Variants in FAT3 observed in about 807,000 individuals in gnomAD.
FAT3 encodes the protein FAT atypical cadherin 3, also known as protocadherin Fat 3.
Under a neutral mutation model 310.2 loss-of-function variants are expected in FAT3, and 95 were observed. That is an observed-to-expected ratio of 0.31 (90% confidence interval 0.26 to 0.36). The LOEUF is 0.36. Ranked by LOEUF, FAT3 falls within the 10% of genes least tolerant of loss-of-function variation. The pLI is 1.00. For synonymous variants in FAT3, 2,314 were observed against 2,192.9 expected (o/e 1.06, Z -1.54); for missense variants, 5,408 against 5,715.6 (o/e 0.95, Z 1.74).
rs1295447903 is a variant in FAT3 at position 92,398,329 on chromosome 11, C to A, written c.3292+42925C>A. Among the ~76,000 whole-genome samples the A allele has an allele frequency of 2.0e-5, 3 of 151,946 alleles. No homozygotes were observed. In the Middle Eastern group the frequency reaches 0.01, roughly 517 times the overall value. On this transcript the variant is annotated intron_variant, in intron 2 of 27. Coordinates refer to ENST00000525166, the MANE Select transcript of FAT3 (RefSeq NM_001367949.2). The stretch of plus-strand genomic sequence containing the variant: ...CAGCCTGGCCAACATGGCAAAACTC[C>A]GTCTCTACTAAAAGTACAAAAATTA...
chr11:92,599,420 C>T (rs953285004), intron 3 of FAT3, among the ~76,000 whole-genome samples: 1 of 152,150 alleles, frequency 6.6e-6, no homozygotes, highest in Non-Finnish European at 1.5e-5. Context: ...ATTCAATGAC[C>T]TCCTACTAGG....
chr11:92,618,064 A>G (rs1157773024), intron 3 of FAT3, among the ~76,000 whole-genome samples: 1 of 152,200 alleles, frequency 6.6e-6, no homozygotes, highest in African/African-American at 2.4e-5. Flanking sequence ...TTGTTCAGCT[A>G]TGCCCTGCCC....
At chr11:92,700,694 C>G (rs1327501749) in intron 4 of FAT3, among the ~76,000 whole-genome samples, 2 of 152,152 alleles carry the variant, frequency 1.3e-5, no homozygotes, top group Non-Finnish European at 1.5e-5. Flanking sequence ...GTTGCCCTAT[C>G]CAGCTTCCAA....
intron 3 of FAT3, among the ~76,000 whole-genome samples, chr11:92,693,966 G>A (rs1943866894): frequency 6.6e-6 from 1 of 151,984 alleles, no homozygotes; most frequent in African/African-American, 2.4e-5. Context: ...ATATTTTTAA[G>A]AGCCTACCTT....
intron 3 of FAT3, among the ~76,000 whole-genome samples, chr11:92,551,778 T>G (rs1040225054): frequency 9.9e-5 from 15 of 152,178 alleles, no homozygotes; most frequent in Non-Finnish European, 1.5e-4. Context: ...AAGTGTTTTG[T>G]GTTTCAACTT....
At chr11:92,370,646 C>T (rs916818850) in intron 2 of FAT3, among the ~76,000 whole-genome samples, 5 of 152,170 alleles carry the variant, frequency 3.3e-5, no homozygotes, top group African/African-American at 9.7e-5. Context: ...TAAAATATCA[C>T]ATGTACTCTT....
At chr11:92,869,064 A>G (rs1034641254) in intron 22 of FAT3, among the ~76,000 whole-genome samples, 1 of 152,140 alleles carries the variant, frequency 6.6e-6, no homozygotes, top group Non-Finnish European at 1.5e-5. Flanking sequence ...GTGATTGGGC[A>G]TTGGATCAGG....
At chr11:92,539,911 A>G (rs1169887576) in intron 3 of FAT3, among the ~76,000 whole-genome samples, 1 of 152,168 alleles carries the variant, frequency 6.6e-6, no homozygotes, top group Non-Finnish European at 1.5e-5. Context: ...ATGTCATCGC[A>G]TAGGGCCCTG....
rs1946919893 is a variant in FAT3 at position 92,787,266 on chromosome 11, C to T, written c.4336-2677C>T. Among the ~76,000 whole-genome samples, 5 of 151,708 alleles carry T rather than the reference C, an allele frequency of 3.3e-5. No homozygotes were observed. The South Asian group carries it at 1.0e-3, about 32-fold the overall frequency. ...CAGAATGTTTGATGAGTAAACCATA[C>T]ATATTTTTAAAGTTATCTGTAGGAG... On this transcript the variant is annotated intron_variant, in intron 7 of 27. Coordinates refer to ENST00000525166, the MANE Select transcript of FAT3 (RefSeq NM_001367949.2).
intron 9 of FAT3, among the ~76,000 whole-genome samples, chr11:92,796,204 A>T (rs1276123422): frequency 1.3e-5 from 2 of 152,224 alleles, no homozygotes; most frequent in Non-Finnish European, 2.9e-5. Flanking sequence ...CAATTCTATG[A>T]CACTATTCAT....
At chr11:92,459,079 T>C (rs1951572486) in intron 2 of FAT3, among the ~76,000 whole-genome samples, 1 of 152,208 alleles carries the variant, frequency 6.6e-6, no homozygotes, top group African/African-American at 2.4e-5. Flanking sequence ...TTACCCCTAC[T>C]GCATCATGGC....
In FAT3 at chr11:92,353,998, A is replaced by C; in HGVS notation, c.1886A>C (p.Asp629Ala). Reference protein sequence around the residue: ...NELGFFYLNPDSGVLQLKKSL... With the variant: ...NELGFFYLNPASGVLQLKKSL... ...CTTGGCTTCTTTTATTTAAACCCAG[A>C]TTCTGGTGTTTTACAGCTTAAAAAA... Residue 629 changes from aspartate to alanine, a missense_variant, in exon 2 of 28, where the codon GAT (aspartate) becomes GCT (alanine). Asp to Ala is a moderately radical substitution (Grantham distance 126). Transcript: ENST00000525166. 1 of 1,613,092 alleles carries C rather than the reference A, an allele frequency of 6.2e-7. No individual in the cohort carries two copies. The highest frequency in any genetic ancestry group is 8.5e-7 in the Non-Finnish European group (1 of 1,179,498).
chr11:92,583,326 C>T (rs1297624677), intron 3 of FAT3, among the ~76,000 whole-genome samples: 3 of 151,972 alleles, frequency 2.0e-5, no homozygotes, highest in Non-Finnish European at 4.4e-5. Context: ...TTTGTCTTTC[C>T]CTCCTTTCTG....
intron 1 of FAT3, among the ~76,000 whole-genome samples, chr11:92,263,553 G>A (rs920873659): frequency 2.0e-5 from 3 of 151,612 alleles, no homozygotes; most frequent in Non-Finnish European, 4.4e-5. Flanking sequence ...TGTGAATATT[G>A]GATCTTCTGA....
rs192850621 is a variant in FAT3, at chr11:92,784,880, A to G, written c.4336-5063A>G. On this transcript the variant is annotated intron_variant, in intron 7 of 27. Transcript: ENST00000525166. The stretch of plus-strand genomic sequence containing the variant: ...GTCAGGGCAGGCTTGCTGGCCGGAA[A>G]GGCTTTTTCCTCCCATTAATATAAC... Among the ~76,000 whole-genome samples the G allele has an allele frequency of 2.1e-3, 318 of 152,168 alleles. 1 individual carries two copies. The highest frequency in any genetic ancestry group is 7.4e-3 in the African/African-American group (307 of 41,536).
chr11:92,763,294 C>T (rs1025229667), intron 5 of FAT3, among the ~76,000 whole-genome samples: 2 of 152,204 alleles, frequency 1.3e-5, no homozygotes, highest in African/African-American at 4.8e-5. Context: ...GACGTGGGCT[C>T]CTTGCTGTGC....
chr11:92,819,001 C>T (rs1947892613), intron 13 of FAT3, among the ~76,000 whole-genome samples: 1 of 152,198 alleles, frequency 6.6e-6, no homozygotes, highest in Admixed American at 6.5e-5. Context: ...GCTTCTGCTC[C>T]ACTTCAGGCA....
chr11:92,500,620 A>G (rs1952910317), intron 2 of FAT3, among the ~76,000 whole-genome samples: 1 of 151,998 alleles, frequency 6.6e-6, no homozygotes, highest in Non-Finnish European at 1.5e-5. Context: ...GCGAAGAGGT[A>G]ATTTTTTCAA....
chr11:92,727,728 T>A (rs1439679105), intron 4 of FAT3, among the ~76,000 whole-genome samples: 3 of 152,104 alleles, frequency 2.0e-5, no homozygotes, highest in Non-Finnish European at 1.5e-5. Context: ...GTCCTTTATG[T>A]TTTCCTCACA....
Sources: gnomAD v4.1 joint callset for allele counts (sites outside exome capture counted in the v4.1 genomes callset) on GRCh38, gnomAD v4.1.1 for gene constraint, MANE v1.5 for transcripts, NCBI Gene and HGNC (gene_info 2026-07-23, HGNC 2026-07-21) for gene names.